The following ZNF280D variants were observed in gnomAD, a reference collection of about 807,000 sequenced individuals.
ZNF280D encodes suppressor of hairy wing homolog 4.
ZNF280D carries 39 observed loss-of-function variants against 94.7 expected under a neutral mutation model. The observed-to-expected ratio is 0.41, with a 90% CI of 0.32 to 0.54. The LOEUF (loss-of-function observed/expected upper bound fraction) is 0.54, where lower values mean the gene tolerates loss of function less well. Ranked by LOEUF, ZNF280D falls within the 20% of genes least tolerant of loss-of-function variation. The pLI is 0.22. For synonymous variants in ZNF280D, 398 were observed against 377.6 expected (o/e 1.05, Z -0.63); for missense variants, 1,090 against 1,149.3 (o/e 0.95, Z 0.75).
At chr15:56,693,251 T>C in intron 6 of ZNF280D, 36 bp from the exon 7 acceptor site, 1 of 813,406 alleles carries the variant, frequency 1.2e-6, no homozygotes, top group African/African-American at 1.8e-5. Context: ...AATACATTTA[T>C]TCAACAGTTA....
At chr15:56,642,442 CTA>C (rs1476519790) in intron 20 of ZNF280D, among the ~76,000 whole-genome samples, 1 of 151,774 alleles carries the variant, frequency 6.6e-6, no homozygotes, top group Non-Finnish European at 1.5e-5. Context: ...TTGAGCAAAA[CTA>C]TTTCTACAGT....
intron 9 of ZNF280D, among the ~76,000 whole-genome samples, chr15:56,688,524 T>G (rs1166299919): frequency 6.6e-6 from 1 of 151,216 alleles, no homozygotes. Context: ...CAAATTAATT[T>G]ACACAATTAT....
At chr15:56,698,628 C>G (rs1191378737) in intron 6 of ZNF280D, 1 of 152,138 alleles carries the variant, frequency 6.6e-6, no homozygotes. Flanking sequence ...TGGGCAGGAC[C>G]TCTGACTTGC....
intron 20 of ZNF280D, among the ~76,000 whole-genome samples, chr15:56,637,456 C>T (rs2052408563): frequency 6.6e-6 from 1 of 152,064 alleles, no homozygotes; most frequent in African/African-American, 2.4e-5. Context: ...GTTGGGATTA[C>T]AGGCATGAGC....
At position 56,707,001 on chromosome 15, in the gene ZNF280D, T is replaced by C. The variant is rs980419730; in HGVS notation, c.28+81A>G. The C allele has an allele frequency of 2.0e-5, 28 of 1,393,730 alleles. No homozygotes were observed. The African/African-American group carries it at 3.4e-4, about 17-fold the overall frequency. 86.3% of individuals were successfully genotyped at this position (1,393,730 alleles called of 1,614,324 possible). ...GCATTTTTGTTTTTTAAAAAATGTCTCCCAACTTTCATCCTTTCTCCTGAG... is the reference window on the plus strand; with the variant it reads ...GCATTTTTGTTTTTTAAAAAATGTCCCCCAACTTTCATCCTTTCTCCTGAG... On this transcript the variant is annotated intron_variant, in intron 3 of 21. Coordinates refer to ENST00000267807, the MANE Select transcript of ZNF280D (RefSeq NM_017661.4).
chr15:56,711,741 ATTTTG>A (rs1217436088), intron 1 of ZNF280D, among the ~76,000 whole-genome samples: 1 of 152,206 alleles, frequency 6.6e-6, no homozygotes, highest in African/African-American at 2.4e-5. Flanking sequence ...TTTAGAAATC[ATTTTG>A]TTTTATGGTC....
rs2055321068 is a variant in ZNF280D, at chr15:56,677,644, T to C, written c.1193A>G (p.Glu398Gly). The C allele has an allele frequency of 6.2e-7, 1 of 1,601,588 alleles. No individual in the cohort carries two copies. Among genetic ancestry groups the C allele is most frequent in the Non-Finnish European group, 8.5e-7 (1 of 1,174,100 alleles). ...TICKICELSF[E>G]TEHVLLQHMK... is the part of the protein sequence containing the mutation. ...ATGTTGTAAAAGAACATGTTCTGTT[T>C]CAAATGACAATTCACAGATTTTACA... The change falls in exon 12 of 22, where the codon GAA becomes GGA. Residue 398 changes from glutamate to glycine, a missense_variant. Transcript: ENST00000267807.
At chr15:56,688,834 TTATAA>T in intron 9 of ZNF280D, 1 of 338,728 alleles carries the variant, frequency 3.0e-6, no homozygotes, top group Non-Finnish European at 5.3e-6. Context: ...TAAGCATACA[TTATAA>T]TATATACAAA....
At position 56,682,385 on chromosome 15, in the gene ZNF280D, C is replaced by G; in HGVS notation, c.873G>C (p.Glu291Asp). 6.3e-7 allele frequency: 1 copy of G among 1,590,168 alleles called. No individual in the cohort carries two copies. The highest frequency in any genetic ancestry group is 1.2e-5 in the South Asian group (1 of 85,726). Reference protein sequence around the residue: ...TVNKNTTIDSEKGKLIMLVND... With the variant: ...TVNKNTTIDSDKGKLIMLVND... ...TAACTAACATGATCAATTTTCCTTTCTCTGAATCAATAGTTGTGTTTTTAT... is the reference window on the plus strand; with the variant it reads ...TAACTAACATGATCAATTTTCCTTTGTCTGAATCAATAGTTGTGTTTTTAT... The change falls in exon 10 of 22, where the codon GAG becomes GAC. Residue 291 changes from glutamate to aspartate, a missense_variant. Transcript: ENST00000267807.
At chr15:56,696,734 ACTC>A (rs2056769164) in intron 6 of ZNF280D, among the ~76,000 whole-genome samples, 1 of 152,200 alleles carries the variant, frequency 6.6e-6, no homozygotes, top group Non-Finnish European at 1.5e-5. Flanking sequence ...ATTCCAGAAT[ACTC>A]CTCTGTCATT....
chr15:56,704,418 G>A (rs1596577287), intron 3 of ZNF280D, 151 bp from the exon 4 acceptor site: 1 of 737,920 alleles, frequency 1.4e-6, no homozygotes, highest in Admixed American at 3.1e-5. Context: ...GGTAACAACA[G>A]TGAGAAATAC....
At chr15:56,725,467 T>A (rs1424631435) in intron 1 of ZNF280D, among the ~76,000 whole-genome samples, 5 of 152,222 alleles carry the variant, frequency 3.3e-5, no homozygotes, top group Non-Finnish European at 7.3e-5. Flanking sequence ...TAAAGAGTGG[T>A]ATTGTTTTAC....
chr15:56,713,909 G>C (rs2057904589), intron 1 of ZNF280D, among the ~76,000 whole-genome samples: 1 of 152,050 alleles, frequency 6.6e-6, no homozygotes, highest in Non-Finnish European at 1.5e-5. Context: ...GGCACTATAA[G>C]ACAAATCTGT....
intron 16 of ZNF280D, among the ~76,000 whole-genome samples, chr15:56,661,645 C>T (rs2053950450): frequency 6.6e-6 from 1 of 151,992 alleles, no homozygotes; most frequent in Non-Finnish European, 1.5e-5. Flanking sequence ...GAAAATCTTC[C>T]CTTATTTCTT....
chr15:56,708,986 A>G (rs1249580877), intron 1 of ZNF280D, among the ~76,000 whole-genome samples: 8 of 152,338 alleles, frequency 5.3e-5, no homozygotes, highest in African/African-American at 1.7e-4. Context: ...AGCAACGGCA[A>G]CAAAAGCCAA....
chr15:56,642,808 T>C (rs1226276344), intron 20 of ZNF280D, 144 bp downstream of exon 20: 3 of 479,180 alleles, frequency 6.3e-6, no homozygotes, highest in Non-Finnish European at 1.1e-5. Flanking sequence ...AATGAAAAAT[T>C]TTAAATCTCG....
chr15:56,732,387 G>A (rs764126130), intron 1 of ZNF280D, among the ~76,000 whole-genome samples: 1 of 152,184 alleles, frequency 6.6e-6, no homozygotes, highest in Non-Finnish European at 1.5e-5. Flanking sequence ...CCTAACAATG[G>A]TATAAGCAAA....
At chr15:56,649,958 G>A (rs144334118) in intron 19 of ZNF280D, among the ~76,000 whole-genome samples, 1 of 152,138 alleles carries the variant, frequency 6.6e-6, no homozygotes, top group East Asian at 1.9e-4. Context: ...TTCACCTTGA[G>A]AATAGGTCCA....
At chr15:56,660,166 A>G (rs1434015740) in intron 16 of ZNF280D, among the ~76,000 whole-genome samples, 2 of 152,138 alleles carry the variant, frequency 1.3e-5, no homozygotes, top group Non-Finnish European at 2.9e-5. Context: ...TTGTATACAC[A>G]ACTATATTTC....
Sources: gnomAD v4.1 joint callset for allele counts (sites outside exome capture counted in the v4.1 genomes callset) on GRCh38, gnomAD v4.1.1 for gene constraint, MANE v1.5 for transcripts, NCBI Gene and HGNC (gene_info 2026-07-23, HGNC 2026-07-21) for gene names.